The following SLCO5A1 variants were observed in gnomAD, a reference collection of about 807,000 sequenced individuals.
SLCO5A1 encodes the protein solute carrier organic anion transporter family member 5A1, also known as organic anion transporter polypeptide-related protein 4.
Under a neutral mutation model 65.1 loss-of-function variants are expected in SLCO5A1, and 39 were observed. The observed-to-expected ratio is 0.60, with a 90% CI of 0.46 to 0.78. The LOEUF is 0.78. Among genes scored for constraint, SLCO5A1 ranks in the 30% least tolerant of loss-of-function variants. The pLI, the probability that SLCO5A1 is intolerant of heterozygous loss-of-function variation, is 0.00. For synonymous variants in SLCO5A1, 438 were observed against 415.7 expected (o/e 1.05, Z -0.65); for missense variants, 1,029 against 1,069.4 (o/e 0.96, Z 0.53).
At chr8:69,759,768 C>A (rs1033253624) in intron 3 of SLCO5A1, among the ~76,000 whole-genome samples, 2 of 152,198 alleles carry the variant, frequency 1.3e-5, no homozygotes, top group African/African-American at 4.8e-5. Flanking sequence ...GCCTCAGCCT[C>A]TCAAGTAGCT....
At chr8:69,796,987 A>G (rs896910025) in intron 2 of SLCO5A1, among the ~76,000 whole-genome samples, 3 of 152,162 alleles carry the variant, frequency 2.0e-5, no homozygotes, top group African/African-American at 7.2e-5. Context: ...ACATATCACT[A>G]TCAGCATTTT....
chr8:69,722,711 C>T (rs1815879400), intron 5 of SLCO5A1, among the ~76,000 whole-genome samples: 1 of 152,008 alleles, frequency 6.6e-6, no homozygotes, highest in South Asian at 2.1e-4. Flanking sequence ...CAGTTAGTTA[C>T]ACTGTCTCCT....
Position 69,718,620 on chromosome 8 carries a change from AC to A in SLCO5A1, c.1424-13392del, listed in dbSNP as rs1815672582. ...TCATAAATTCATTTTTGGGTTATTG[AC>A]AAACATGTTTTTTAAAACAACTTTC... is the stretch of plus-strand genomic sequence containing the variant. On this transcript the variant is annotated intron_variant, in intron 5 of 9. Transcript: ENST00000260126. Among the ~76,000 whole-genome samples, 4 of 152,208 alleles carry A rather than the reference AC, an allele frequency of 2.6e-5. No individual in the cohort carries two copies. In the South Asian group the frequency reaches 8.3e-4, roughly 31 times the overall value.
chr8:69,834,818 C>A, intron 1 of SLCO5A1, 36 bp downstream of exon 1: 1 of 153,786 alleles, frequency 6.5e-6, no homozygotes, highest in Non-Finnish European at 1.4e-5. Flanking sequence ...CGACAGCCCG[C>A]CGCGCTGCCC....
At chr8:69,695,181 T>C (rs1232406816) in intron 6 of SLCO5A1, among the ~76,000 whole-genome samples, 1 of 152,216 alleles carries the variant, frequency 6.6e-6, no homozygotes, top group Non-Finnish European at 1.5e-5. Flanking sequence ...CAAATGTTTG[T>C]TTAAAATATT....
At chr8:69,715,774 A>G (rs1246004286) in intron 5 of SLCO5A1, among the ~76,000 whole-genome samples, 1 of 152,222 alleles carries the variant, frequency 6.6e-6, no homozygotes, top group African/African-American at 2.4e-5. Flanking sequence ...ATATAGTCAC[A>G]TCACTAATTA....
At chr8:69,829,123 C>T (rs1029857701) in intron 2 of SLCO5A1, among the ~76,000 whole-genome samples, 1 of 152,180 alleles carries the variant, frequency 6.6e-6, no homozygotes, top group African/African-American at 2.4e-5. Flanking sequence ...CAATCACTCA[C>T]CCAACCAAAT....
Position 69,668,253 on chromosome 8 carries a change from GAAAAAGAC to G in SLCO5A1, c.*4608_*4615del, listed in dbSNP as rs1813237623. On this transcript the variant is annotated 3_prime_UTR_variant, in exon 10 of 10. Coordinates refer to ENST00000260126, the MANE Select transcript of SLCO5A1 (RefSeq NM_030958.3). ...GCAGCATCCCAAAAGATGAAGAAGA[GAAAAAGAC>G]AAAAAGATAAAGTGCATGAGGCAAC... The G allele has an allele frequency of 6.6e-6, 1 of 152,098 alleles. No individual in the cohort carries two copies. The highest frequency in any genetic ancestry group is 2.1e-4 in the South Asian group (1 of 4,826). The allele number at this position is 152,098 out of a possible 1,614,324, so 9.4% of individuals were successfully genotyped here.
chr8:69,834,588 C>T (rs1220747342), intron 1 of SLCO5A1, among the ~76,000 whole-genome samples: 1 of 152,130 alleles, frequency 6.6e-6, no homozygotes, highest in Non-Finnish European at 1.5e-5. Context: ...TCGCCGCTCG[C>T]GGGGGGCGTC....
rs376814001 is a variant in SLCO5A1 at position 69,722,210 on chromosome 8, C to T, written c.1423+15830G>A. Among the ~76,000 whole-genome samples the T allele has an allele frequency of 3.3e-5, 5 of 152,022 alleles. No individual in the cohort carries two copies. In the East Asian group the frequency reaches 5.8e-4, roughly 18 times the overall value. On this transcript the variant is annotated intron_variant, in intron 5 of 9. Transcript: ENST00000260126. ...AATAAATAAAATAAAATAATAAATG[C>T]GTTTATGTTAGAGTGAGCTGACTTC... is the stretch of plus-strand genomic sequence containing the variant.
In SLCO5A1 at chr8:69,676,654, T is replaced by C; in HGVS notation, c.2044A>G (p.Arg682Gly). The C allele has an allele frequency of 1.2e-6, 2 of 1,612,130 alleles. No homozygotes were observed. The highest frequency in any genetic ancestry group is 1.7e-6 in the Non-Finnish European group (2 of 1,179,122). The change falls in exon 9 of 10, where the codon AGA (arginine) becomes GGA (glycine). Residue 682 changes from arginine to glycine, a missense_variant. Coordinates refer to ENST00000260126, the MANE Select transcript of SLCO5A1 (RefSeq NM_030958.3). ...AACTGCATTCCCAGTGCAAAAGGTC[T>C]CTCCTCATCTTCTACGGACCTACAG... ...VTLRSVEDEERPFALGMQFVL... is the reference protein window; with the variant it reads ...VTLRSVEDEEGPFALGMQFVL...
chr8:69,709,094 C>CA (rs1815106523), intron 5 of SLCO5A1, among the ~76,000 whole-genome samples: 1 of 152,148 alleles, frequency 6.6e-6, no homozygotes, highest in South Asian at 2.1e-4. Context: ...GTTGAGTAGT[C>CA]AGTCATGAGT....
At chr8:69,759,830 T>C (rs1217124774) in intron 3 of SLCO5A1, among the ~76,000 whole-genome samples, 1 of 152,090 alleles carries the variant, frequency 6.6e-6, no homozygotes, top group Non-Finnish European at 1.5e-5. Context: ...GTATTTTTAG[T>C]AGAGATGGAG....
chr8:69,703,858 T>C (rs62512239), intron 6 of SLCO5A1, among the ~76,000 whole-genome samples: 19,943 of 152,282 alleles, frequency 0.13, 1,423 homozygotes, highest in Non-Finnish European at 0.16. Context: ...AAACTCATCA[T>C]CTTCTAATTA....
At chr8:69,679,356 A>C in intron 8 of SLCO5A1, 22 bp downstream of exon 8, 1 of 1,613,892 alleles carries the variant, frequency 6.2e-7, no homozygotes, top group South Asian at 1.1e-5. Context: ...AACCCACCCC[A>C]GAAGTTGAAT....
At chr8:69,823,688 C>T (rs36190015) in intron 2 of SLCO5A1, among the ~76,000 whole-genome samples, 4 of 151,892 alleles carry the variant, frequency 2.6e-5, no homozygotes, top group Non-Finnish European at 4.4e-5. Context: ...GAGACTTTAA[C>T]ACCCCACTGT....
intron 6 of SLCO5A1, among the ~76,000 whole-genome samples, chr8:69,695,557 T>TC (rs975745143): frequency 1.1e-4 from 16 of 143,064 alleles, no homozygotes; most frequent in Non-Finnish European, 2.1e-4. Context: ...GACTTCTCTC[T>TC]TTTTTTTTTT....
In SLCO5A1 at chr8:69,673,274, C is replaced by T. The variant is rs745602818; in HGVS notation, c.2142G>A (p.Met714Ile). The T allele has an allele frequency of 6.2e-7, 1 of 1,614,222 alleles. No individual in the cohort carries two copies. Among genetic ancestry groups the T allele is most frequent in the Non-Finnish European group, 8.5e-7 (1 of 1,180,042 alleles). Residue 714 changes from methionine (M) to isoleucine (I), a missense_variant, in exon 10 of 10, where the codon ATG (methionine) becomes ATA (isoleucine). Around this residue, in one of 3 missense-constraint regions of SLCO5A1, gnomAD observed 258 missense variants for 237.4 expected, o/e 1.09. Coordinates refer to ENST00000260126, the MANE Select transcript of SLCO5A1 (RefSeq NM_030958.3). Reference protein sequence around the residue: ...YFGAVIDTTCMLWQQECGVQG... With the variant: ...YFGAVIDTTCILWQQECGVQG... ...GCACACCACATTCCTGTTGCCAGAG[C>T]ATGCAGGTGGTGTCAATGACTGCTC... is the stretch of plus-strand genomic sequence containing the variant.
intron 6 of SLCO5A1, among the ~76,000 whole-genome samples, chr8:69,691,187 C>T (rs1198064396): frequency 6.6e-6 from 1 of 152,098 alleles, no homozygotes; most frequent in East Asian, 1.9e-4. Flanking sequence ...GGAAGCAAAA[C>T]ACATTTCTTA....
Sources: allele counts gnomAD v4.1 joint callset (sites outside exome capture counted in the v4.1 genomes callset), GRCh38; gene constraint gnomAD v4.1.1; regional missense constraint gnomAD v4.1.1; transcripts MANE v1.5; gene names NCBI Gene and HGNC (gene_info 2026-07-23, HGNC 2026-07-21).